The following PRPSAP1 variants were observed in gnomAD, a reference collection of about 807,000 sequenced individuals.
PRPSAP1 encodes the protein phosphoribosyl pyrophosphate synthase-associated protein 1.
Under a neutral mutation model 39.4 loss-of-function variants are expected in PRPSAP1, and 31 were observed. That is an observed-to-expected ratio of 0.79 (90% confidence interval 0.59 to 1.06). The LOEUF is 1.06. PRPSAP1 is among the 50% of genes least tolerant of loss of function. The pLI, the probability that PRPSAP1 is intolerant of heterozygous loss-of-function variation, is 0.00. For missense variants in PRPSAP1, 430 were observed against 511.6 expected, an observed-to-expected ratio of 0.84 and a Z score of 1.54; for synonymous variants, 212 against 192.6, an observed-to-expected ratio of 1.10 and a Z score of -0.83.
chr17:76,339,001 C>A (rs1480353902), intron 3 of PRPSAP1, among the ~76,000 whole-genome samples: 2 of 151,696 alleles, frequency 1.3e-5, no homozygotes, highest in Non-Finnish European at 2.9e-5. Context: ...CCACTGCACT[C>A]CAGCCTGGGC....
intron 4 of PRPSAP1, among the ~76,000 whole-genome samples, chr17:76,331,508 T>C (rs1408286597): frequency 3.3e-5 from 5 of 152,202 alleles, no homozygotes; most frequent in Non-Finnish European, 7.3e-5. Flanking sequence ...ACAATTTATA[T>C]AGTGTTTATA....
intron 3 of PRPSAP1, among the ~76,000 whole-genome samples, chr17:76,338,215 C>G (rs1256146427): frequency 2.0e-5 from 3 of 152,002 alleles, no homozygotes; most frequent in African/African-American, 7.3e-5. Context: ...CTATTCCAAG[C>G]AAAAACAGCA....
At chr17:76,342,734 AAAAG>A (rs1347536391) in intron 3 of PRPSAP1, among the ~76,000 whole-genome samples, 1 of 151,278 alleles carries the variant, frequency 6.6e-6, no homozygotes, top group Non-Finnish European at 1.5e-5. Context: ...AAAAAAAAAA[AAAAG>A]AAAGTCAAAT....
At position 76,345,453 on chromosome 17, in the gene PRPSAP1, C is replaced by T. The variant is rs867072225; in HGVS notation, c.224-716G>A. On this transcript the variant is annotated intron_variant, in intron 2 of 9. Transcript: ENST00000446526. ...CTGCACTCCAGTCTGGGTGACACAGCGAGATTCTATCTCAAAAAAATAATT... is the reference window on the plus strand; with the variant it reads ...CTGCACTCCAGTCTGGGTGACACAGTGAGATTCTATCTCAAAAAAATAATT... Among the ~76,000 whole-genome samples, 9 of 151,696 alleles carry T rather than the reference C, an allele frequency of 5.9e-5. No individual in the cohort carries two copies. The South Asian group carries it at 1.3e-3, about 21-fold the overall frequency.
intron 7 of PRPSAP1, 112 bp from the exon 8 acceptor site, chr17:76,314,003 A>C (rs56194157): frequency 0.052 from 58,241 of 1,124,878 alleles, 4,842 homozygotes; most frequent in African/African-American, 0.35. Flanking sequence ...CAGACAAAAA[A>C]CAAACAAACC....
intron 3 of PRPSAP1, among the ~76,000 whole-genome samples, chr17:76,334,826 G>A (rs2143511021): frequency 6.6e-6 from 1 of 152,176 alleles, no homozygotes; most frequent in East Asian, 1.9e-4. Context: ...GGCATCAAAA[G>A]GTCAGATAAT....
chr17:76,333,019 G>C (rs1310763752), intron 3 of PRPSAP1, among the ~76,000 whole-genome samples: 1 of 151,822 alleles, frequency 6.6e-6, no homozygotes, highest in Non-Finnish European at 1.5e-5. Flanking sequence ...AGCCTCCCGA[G>C]TAGCTGGGAC....
chr17:76,352,464 T>C lies in PRPSAP1; in HGVS notation c.170+1070A>G, dbSNP rs535444945. On this transcript the variant is annotated intron_variant, in intron 1 of 9. Coordinates refer to ENST00000446526, the MANE Select transcript of PRPSAP1 (RefSeq NM_002766.3). ...ATCGAAACCATCCTGGCTAACACGG[T>C]GAAACCCAGTCTCTACTAAAAATAC... Among the ~76,000 whole-genome samples, 255 of 151,378 alleles carry C rather than the reference T, an allele frequency of 1.7e-3. 1 individual carries two copies. Among genetic ancestry groups the C allele is most frequent in the African/African-American group, 5.7e-3 (237 of 41,340 alleles).
intron 3 of PRPSAP1, among the ~76,000 whole-genome samples, chr17:76,334,725 T>G (rs989310095): frequency 6.6e-6 from 1 of 152,196 alleles, no homozygotes; most frequent in Non-Finnish European, 1.5e-5. Flanking sequence ...TGCTAATCCA[T>G]TCCATTGTTT....
At chr17:76,335,694 A>G (rs151118953) in intron 3 of PRPSAP1, among the ~76,000 whole-genome samples, 318 of 152,298 alleles carry the variant, frequency 2.1e-3, no homozygotes, top group Admixed American at 3.5e-3. Context: ...GTCATAGACA[A>G]TACACAAGTG....
chr17:76,340,200 G>A (rs2071421194), intron 3 of PRPSAP1, among the ~76,000 whole-genome samples: 1 of 148,692 alleles, frequency 6.7e-6, no homozygotes, highest in African/African-American at 2.5e-5. Context: ...TGCCCAGGCT[G>A]GTCTTGAACT....
At chr17:76,349,792 C>T (rs1400297842) in intron 1 of PRPSAP1, among the ~76,000 whole-genome samples, 1 of 151,770 alleles carries the variant, frequency 6.6e-6, no homozygotes, top group African/African-American at 2.4e-5. Flanking sequence ...ATAAAATTAA[C>T]ATCTCCAGCC....
chr17:76,313,714 T>C, intron 8 of PRPSAP1, 107 bp downstream of exon 8: 3 of 1,235,236 alleles, frequency 2.4e-6, no homozygotes, highest in East Asian at 2.4e-5. Flanking sequence ...AAAGGATACA[T>C]GGATCCATTC....
intron 8 of PRPSAP1, 185 bp from the exon 9 acceptor site, chr17:76,313,201 TG>T: frequency 4.7e-6 from 3 of 638,654 alleles, no homozygotes; most frequent in Non-Finnish European, 7.4e-6. Context: ...GACAGTACCT[TG>T]TGTGTCTGTC....
In PRPSAP1 at chr17:76,313,490, CG is replaced by C. The variant is rs1598514987; in HGVS notation, c.852+330del. 3 of 311,102 alleles carry C rather than the reference CG, an allele frequency of 9.6e-6. No individual in the cohort carries two copies. In the East Asian group the frequency reaches 1.8e-4, roughly 19 times the overall value. 19.3% of individuals were successfully genotyped at this position (311,102 alleles called of 1,614,324 possible). On this transcript the variant is annotated intron_variant, in intron 8 of 9. Transcript: ENST00000446526. ...GGACACCCATTCTTACTTGTGAAAA[CG>C]GAACAGCTCATCTTCAGTTCATCTT...
intron 3 of PRPSAP1, 106 bp downstream of exon 3, chr17:76,344,565 G>A (rs529850184): frequency 1.2e-5 from 13 of 1,051,462 alleles, no homozygotes; most frequent in East Asian, 2.5e-5. Context: ...CGCCCGGCCT[G>A]AATATATAAC....
At position 76,317,136 on chromosome 17, in the gene PRPSAP1, G is replaced by A. The variant is rs1025359603; in HGVS notation, c.782-3245C>T. Among the ~76,000 whole-genome samples, 5 of 152,204 alleles carry A rather than the reference G, an allele frequency of 3.3e-5. No homozygotes were observed. The East Asian group carries it at 7.7e-4, about 23-fold the overall frequency. On this transcript the variant is annotated intron_variant, in intron 7 of 9. Transcript: ENST00000446526. ...CCCAGCACTTTGGCAGATCACCTGA[G>A]GTCAGGAGTTGAAGACCAGCCTGGC...
At chr17:76,315,111 T>C (rs973124432) in intron 7 of PRPSAP1, among the ~76,000 whole-genome samples, 17 of 152,180 alleles carry the variant, frequency 1.1e-4, no homozygotes, top group African/African-American at 1.9e-4. Flanking sequence ...CCTGATTTAA[T>C]TGGTGCTTAA....
intron 3 of PRPSAP1, among the ~76,000 whole-genome samples, chr17:76,340,759 A>G (rs916141556): frequency 6.6e-6 from 1 of 152,028 alleles, no homozygotes; most frequent in Admixed American, 6.6e-5. Context: ...GCGTAGTGGC[A>G]CATGCCTGTA....
Sources: allele counts gnomAD v4.1 joint callset (sites outside exome capture counted in the v4.1 genomes callset), GRCh38; gene constraint gnomAD v4.1.1; transcripts MANE v1.5; gene names NCBI Gene and HGNC (gene_info 2026-07-23, HGNC 2026-07-21).